Variants in RGP1 observed in about 807,000 individuals in gnomAD.
RGP1 encodes RGP1 partner of RAB6A GEF complex.
A neutral mutation model predicts 44.5 loss-of-function variants in RGP1; 28 were observed. The ratio of observed to expected loss-of-function variants is 0.63; its 90% CI spans 0.47 to 0.86. The LOEUF (loss-of-function observed/expected upper bound fraction) is 0.86. RGP1 is among the 40% of genes least tolerant of loss of function. The pLI is 0.00. For missense variants in RGP1, 417 were observed against 490.7 expected, an observed-to-expected ratio of 0.85 and a Z score of 1.42; for synonymous variants, 212 against 196.7, an observed-to-expected ratio of 1.08 and a Z score of -0.65.
At chr9:35,750,492 CTGGGGATGT>C in intron 3 of RGP1, 113 bp downstream of exon 3, 1 of 1,374,210 alleles carries the variant, frequency 7.3e-7, no homozygotes, top group African/African-American at 1.4e-5. Flanking sequence ...CCCTGTCATG[CTGGGGATGT>C]TGGGGAGCAT....
chr9:35,749,629 G>A lies in RGP1; in HGVS notation c.-19-108G>A. 1.4e-6 allele frequency: 1 copy of A among 723,212 alleles called. No homozygotes were observed. Among genetic ancestry groups the A allele is most frequent in the Non-Finnish European group, 2.5e-6 (1 of 401,192 alleles). 44.8% of individuals were successfully genotyped at this position (723,212 alleles called of 1,614,324 possible). A position where few individuals can be genotyped will look rare whatever the true frequency, so the allele number is the denominator to read the frequency against. On this transcript the variant is annotated intron_variant, in intron 1 of 8. Transcript: ENST00000378078. This position sits in a 1 kb window ranked among gnomAD's most constrained non-coding sequence, Gnocchi z 4.4. The stretch of plus-strand genomic sequence containing the variant: ...CTCCTATATCCAGGAGCTCCCTCGG[G>A]CACCACGGTGCTGACCACCCCTGTC...
chr9:35,767,866 G>A, the RGP1 span, among the ~76,000 whole-genome samples: 8 of 152,164 alleles, frequency 5.3e-5, 1 homozygote, highest in Middle Eastern at 0.02. Flanking sequence ...GCAGTGGCAC[G>A]ATCTCAGCTC....
chr9:35,776,994 C>CAA, the RGP1 span, among the ~76,000 whole-genome samples: 8 of 107,004 alleles, frequency 7.5e-5, no homozygotes, highest in African/African-American at 1.8e-4. Flanking sequence ...GACTCTGTCT[C>CAA]AAAAAAAAAA....
chr9:35,754,239 T>C lies in RGP1; in HGVS notation c.*1365T>C. 5 of 1,365,282 alleles carry C rather than the reference T, an allele frequency of 3.7e-6. No homozygotes were observed. The highest frequency in any genetic ancestry group is 5.0e-6 in the Non-Finnish European group (5 of 1,010,028). 84.6% of individuals were successfully genotyped at this position (1,365,282 alleles called of 1,614,324 possible). ...CCTTGAGTCTTAGTTTCTGTCTTTC[T>C]CCCCTGGGCTCCTGTCTCACACTAT... is the stretch of plus-strand genomic sequence containing the variant. On this transcript the variant is annotated 3_prime_UTR_variant, in exon 9 of 9. Transcript: ENST00000378078.
chr9:35,781,053 G>A, the RGP1 span, among the ~76,000 whole-genome samples: 1 of 152,148 alleles, frequency 6.6e-6, no homozygotes, highest in African/African-American at 2.4e-5. Context: ...ATCTAATGGG[G>A]CAGAAAGTAC....
the RGP1 span, chr9:35,790,130 C>CTTTTTTTTTTTTTTTTT: frequency 7.0e-6 from 1 of 143,802 alleles, no homozygotes; most frequent in Non-Finnish European, 1.5e-5. Flanking sequence ...TTGACTGTTC[C>CTTTTTTTTTTTTTTTTT]TTTTTTTTTT....
Position 35,753,913 on chromosome 9 carries a change from A to C in RGP1, c.*1039A>C. ...TTTCACAGCTGGAGGAAGCCTGGGT[A>C]TTTTGACACGGGATCATCTGTAAGG... On this transcript the variant is annotated 3_prime_UTR_variant, in exon 9 of 9. Transcript: ENST00000378078. This position sits in a 1 kb window ranked among gnomAD's most constrained non-coding sequence, Gnocchi z 4.2. 6.4e-7 allele frequency: 1 copy of C among 1,559,600 alleles called. No individual in the cohort carries two copies.
At chr9:35,772,569 G>A in the RGP1 span, among the ~76,000 whole-genome samples, 4 of 152,190 alleles carry the variant, frequency 2.6e-5, no homozygotes, top group South Asian at 2.1e-4. Flanking sequence ...CGAGGCAGGC[G>A]GATCATGAGG....
Position 35,753,451 on chromosome 9 carries a change from A to C in RGP1, c.*577A>C. 1 of 814,040 alleles carries C rather than the reference A, an allele frequency of 1.2e-6. No individual in the cohort carries two copies. The highest frequency in any genetic ancestry group is 1.9e-6 in the Non-Finnish European group (1 of 524,488). The allele number at this position is 814,040 out of a possible 1,614,324, so 50.4% of individuals were successfully genotyped here. ...TATGTGGGCCTTTTTGTTTTATAAC[A>C]GGAGTATTTTCTCTCCAGGTCCACC... On this transcript the variant is annotated 3_prime_UTR_variant, in exon 9 of 9. Transcript: ENST00000378078. The surrounding 1 kb of genome is among the most constrained non-coding windows in gnomAD (Gnocchi z 4.2).
chr9:35,750,422 G>GT, intron 3 of RGP1, 43 bp downstream of exon 3: 1 of 1,606,138 alleles, frequency 6.2e-7, no homozygotes, highest in Non-Finnish European at 8.5e-7. Context: ...GGTGCGGAGG[G>GT]TGTGTGTGGA....
chr9:35,784,603 A>G, the RGP1 span, among the ~76,000 whole-genome samples: 1 of 151,968 alleles, frequency 6.6e-6, no homozygotes, highest in African/African-American at 2.4e-5. Context: ...CAGGCGCCTG[A>G]CACCACACCT....
the RGP1 span, among the ~76,000 whole-genome samples, chr9:35,779,473 G>A: frequency 6.6e-6 from 1 of 152,246 alleles, no homozygotes; most frequent in Admixed American, 6.5e-5. Flanking sequence ...AGGAGGAAGG[G>A]CAGAGTAAGG....
chr9:35,752,247 A>C (rs916092652), intron 8 of RGP1, 102 bp downstream of exon 8: 3 of 1,166,326 alleles, frequency 2.6e-6, no homozygotes, highest in Admixed American at 6.1e-5. Context: ...ACTCCCAGAC[A>C]TACCCACGTC....
downstream of RGP1, among the ~76,000 whole-genome samples, chr9:35,759,330 C>T (rs529067885): frequency 3.3e-5 from 5 of 151,998 alleles, no homozygotes; most frequent in African/African-American, 4.8e-5. Flanking sequence ...TTGGGGAGGC[C>T]GAGGCAGGCA....
At chr9:35,768,094 C>T in the RGP1 span, among the ~76,000 whole-genome samples, 1 of 152,140 alleles carries the variant, frequency 6.6e-6, no homozygotes, top group East Asian at 1.9e-4. Context: ...AGCCACTGTG[C>T]CTGGCCAGAT....
the RGP1 span, among the ~76,000 whole-genome samples, chr9:35,765,293 A>AT: frequency 6.6e-5 from 10 of 152,258 alleles, no homozygotes; most frequent in South Asian, 1.4e-3. Context: ...ATATGTTTGC[A>AT]TTTTTTTAAG....
At chr9:35,774,207 C>T in the RGP1 span, among the ~76,000 whole-genome samples, 1 of 152,306 alleles carries the variant, frequency 6.6e-6, no homozygotes, top group East Asian at 1.9e-4. Context: ...CCCAGTTCTA[C>T]CACTGCTGGG....
At position 35,751,298 on chromosome 9, in the gene RGP1, G is replaced by T. The variant is rs1827259071; in HGVS notation, c.520G>T (p.Ala174Ser). 2 of 1,613,844 alleles carry T rather than the reference G, an allele frequency of 1.2e-6. No individual in the cohort carries two copies. The highest frequency in any genetic ancestry group is 1.7e-6 in the Non-Finnish European group (2 of 1,179,866). The change falls in exon 6 of 9, where the codon GCT becomes TCT. Residue 174 changes from alanine to serine, a missense_variant. Coordinates refer to ENST00000378078, the MANE Select transcript of RGP1 (RefSeq NM_001080496.3). ...LQDVRFPQDE[A>S]VAPSSPFLEE... ...GGATGTCCGGTTTCCCCAGGATGAG[G>T]CTGTAGCCCCATCCAGTCCATTCTT...
the RGP1 span, among the ~76,000 whole-genome samples, chr9:35,769,777 C>G: frequency 6.6e-6 from 1 of 152,136 alleles, no homozygotes; most frequent in Non-Finnish European, 1.5e-5. Flanking sequence ...AGGCAGGGAC[C>G]TGACCATGGG....
Sources: gnomAD v4.1 joint callset for allele counts (sites outside exome capture counted in the v4.1 genomes callset) on GRCh38, gnomAD v4.1.1 for gene constraint, Gnocchi (gnomAD v3.1) non-coding constraint, MANE v1.5 for transcripts, NCBI Gene and HGNC (gene_info 2026-07-23, HGNC 2026-07-21) for gene names.